The following MTUS2 variants were observed in gnomAD, a reference collection of about 807,000 sequenced individuals.
MTUS2 encodes the protein microtubule associated scaffold protein 2, also known as microtubule-associated tumor suppressor candidate 2.
MTUS2 carries 40 observed loss-of-function variants against 114.1 expected under a neutral mutation model. The observed-to-expected ratio is 0.35, with a 90% confidence interval of 0.27 to 0.46. MTUS2 has a LOEUF of 0.46. MTUS2 is among the 20% of genes least tolerant of loss of function. The pLI, the probability that MTUS2 is intolerant of heterozygous loss-of-function variation, is 1.00. For synonymous variants in MTUS2, 688 were observed against 672.0 expected, an observed-to-expected ratio of 1.02 and a Z score of -0.37; for missense variants, 1,679 against 1,705.4, an observed-to-expected ratio of 0.98 and a Z score of 0.27.
intron 2 of MTUS2, among the ~76,000 whole-genome samples, chr13:28,978,507 TAA>T (rs961922760): frequency 8.5e-5 from 13 of 152,232 alleles, no homozygotes; most frequent in Admixed American, 2.6e-4. Context: ...GATGTAGAAA[TAA>T]TATACCTTTC....
In MTUS2 at chr13:29,411,910, T is replaced by C. The variant is rs561946945; in HGVS notation, c.3118-28073T>C. ...TGTTTGTGCATATGAAGGCTATTGA[T>C]TTTTGTTACTTTTATATTTTGCTAC... On this transcript the variant is annotated intron_variant, in intron 8 of 15. Coordinates refer to ENST00000612955, the MANE Select transcript of MTUS2 (RefSeq NM_001033602.4). Among the ~76,000 whole-genome samples the C allele has an allele frequency of 5.3e-5, 8 of 152,370 alleles. No individual in the cohort carries two copies. The South Asian group carries it at 1.7e-3, about 32-fold the overall frequency.
intron 2 of MTUS2, among the ~76,000 whole-genome samples, chr13:28,844,383 G>A (rs905856530): frequency 6.6e-5 from 10 of 152,188 alleles, no homozygotes; most frequent in African/African-American, 1.4e-4. Context: ...TGTACTTAGC[G>A]TCCAGATTTT....
At chr13:29,454,079 ACTTTTT>A (rs1878936112) in intron 9 of MTUS2, among the ~76,000 whole-genome samples, 1 of 152,204 alleles carries the variant, frequency 6.6e-6, no homozygotes, top group African/African-American at 2.4e-5. Context: ...TAAGAATTGC[ACTTTTT>A]CTTTTTCGGT....
At chr13:29,443,330 C>G (rs1056487461) in intron 9 of MTUS2, among the ~76,000 whole-genome samples, 6 of 152,186 alleles carry the variant, frequency 3.9e-5, no homozygotes, top group African/African-American at 1.4e-4. Flanking sequence ...GCCCTGTGTC[C>G]CCTGATGCAA....
intron 9 of MTUS2, among the ~76,000 whole-genome samples, chr13:29,464,028 T>C (rs1372983783): frequency 1.3e-5 from 2 of 151,820 alleles, no homozygotes; most frequent in Admixed American, 1.3e-4. Context: ...AAACGATAGA[T>C]GTTGGCTGGT....
chr13:29,402,596 G>A (rs570146194), intron 8 of MTUS2, among the ~76,000 whole-genome samples: 2 of 152,276 alleles, frequency 1.3e-5, no homozygotes, highest in East Asian at 3.9e-4. Flanking sequence ...GCTGGAGGAG[G>A]ATGACCTCAG....
At chr13:29,319,632 C>T (rs1213888093) in intron 6 of MTUS2, among the ~76,000 whole-genome samples, 12 of 152,134 alleles carry the variant, frequency 7.9e-5, no homozygotes, top group Admixed American at 1.3e-4. Context: ...CTGTGTTGTA[C>T]GCCCCCTCCA....
chr13:29,407,124 T>C (rs2138525854), intron 8 of MTUS2, among the ~76,000 whole-genome samples: 1 of 152,262 alleles, frequency 6.6e-6, no homozygotes, highest in South Asian at 2.1e-4. Flanking sequence ...TGGGCGCCTG[T>C]AATCCCAGCT....
At chr13:29,191,390 A>C (rs544173088) in intron 5 of MTUS2, among the ~76,000 whole-genome samples, 1 of 152,276 alleles carries the variant, frequency 6.6e-6, no homozygotes, top group Non-Finnish European at 1.5e-5. Flanking sequence ...GATGAGAAGC[A>C]GTTGTGCAGT....
intron 2 of MTUS2, among the ~76,000 whole-genome samples, chr13:28,897,530 C>T (rs921618504): frequency 6.6e-6 from 1 of 152,142 alleles, no homozygotes; most frequent in African/African-American, 2.4e-5. Context: ...CCATTTGACC[C>T]AGCCATCCCA....
At chr13:28,865,973 C>T (rs1217976493) in intron 2 of MTUS2, among the ~76,000 whole-genome samples, 1 of 152,188 alleles carries the variant, frequency 6.6e-6, no homozygotes, top group Non-Finnish European at 1.5e-5. Flanking sequence ...TGGATTTCTA[C>T]TTTTCTTCAT....
chr13:29,236,480 C>G (rs906160137), intron 5 of MTUS2, among the ~76,000 whole-genome samples: 3 of 152,190 alleles, frequency 2.0e-5, no homozygotes, highest in Admixed American at 2.0e-4. Flanking sequence ...CTGTGTGGAA[C>G]ACTAATTTTT....
At chr13:28,937,338 C>G (rs938807313) in intron 2 of MTUS2, among the ~76,000 whole-genome samples, 3 of 151,250 alleles carry the variant, frequency 2.0e-5, no homozygotes, top group Non-Finnish European at 4.4e-5. Flanking sequence ...TAAAATGGAC[C>G]AATCAGTGCT....
At chr13:29,079,701 C>T (rs912670984) in intron 4 of MTUS2, among the ~76,000 whole-genome samples, 6 of 152,126 alleles carry the variant, frequency 3.9e-5, no homozygotes, top group African/African-American at 1.4e-4. Flanking sequence ...ATTTAGTTCA[C>T]CACAAATATT....
chr13:28,827,137 G>A (rs1348087883), intron 1 of MTUS2, among the ~76,000 whole-genome samples: 1 of 152,176 alleles, frequency 6.6e-6, no homozygotes, highest in Non-Finnish European at 1.5e-5. Context: ...TTCAGGGAAA[G>A]TTAATTTGAG....
In MTUS2 at chr13:29,177,056, T is replaced by C. The variant is rs17072880; in HGVS notation, c.2644+76086T>C. ...ATCTCATCCATCTCTCTTTCTAGAC[T>C]TGCTCAGCCATCATTTTCACTCTCT... On this transcript the variant is annotated intron_variant, in intron 5 of 15. Coordinates refer to ENST00000612955, the MANE Select transcript of MTUS2 (RefSeq NM_001033602.4). Among the ~76,000 whole-genome samples the C allele has an allele frequency of 3.3e-5, 5 of 151,126 alleles. 1 individual carries two copies. In the South Asian group the frequency reaches 1.0e-3, roughly 31 times the overall value.
chr13:29,478,450 G>A (rs1880874070), intron 9 of MTUS2, among the ~76,000 whole-genome samples: 1 of 152,054 alleles, frequency 6.6e-6, no homozygotes, highest in South Asian at 2.1e-4. Flanking sequence ...GTACTTCTAT[G>A]TTTTCTCTGT....
intron 5 of MTUS2, among the ~76,000 whole-genome samples, chr13:29,263,789 A>T (rs907452263): frequency 3.9e-5 from 6 of 152,136 alleles, no homozygotes; most frequent in Non-Finnish European, 8.8e-5. Flanking sequence ...TGCCCCCATG[A>T]TCTAAACACC....
At chr13:29,427,963 G>C (rs1876671595) in intron 8 of MTUS2, among the ~76,000 whole-genome samples, 1 of 152,096 alleles carries the variant, frequency 6.6e-6, no homozygotes, top group African/African-American at 2.4e-5. Context: ...TTCCTTTTCT[G>C]ATTTTTAACT....
Sources: allele counts gnomAD v4.1 joint callset (sites outside exome capture counted in the v4.1 genomes callset), GRCh38; gene constraint gnomAD v4.1.1; transcripts MANE v1.5; gene names NCBI Gene and HGNC (gene_info 2026-07-23, HGNC 2026-07-21).